Variants in HPSE observed in about 807,000 individuals in gnomAD.
HPSE encodes endo-glucoronidase.
Under a neutral mutation model 65.1 loss-of-function variants are expected in HPSE, and 48 were observed. That is an observed-to-expected ratio of 0.74 (90% CI 0.58 to 0.94). HPSE has a LOEUF of 0.94. Among genes scored for constraint, HPSE ranks in the 40% least tolerant of loss-of-function variants. The pLI, the probability that HPSE is intolerant of heterozygous loss-of-function variation, is 0.00. For missense variants in HPSE, 644 were observed against 637.5 expected (o/e 1.01, Z -0.11); for synonymous variants, 243 against 260.0 (o/e 0.93, Z 0.63).
intron 1 of HPSE, among the ~76,000 whole-genome samples, chr4:83,333,844 T>A (rs76798785): frequency 7.1e-6 from 1 of 141,332 alleles, no homozygotes. Flanking sequence ...TTCATCTGCC[T>A]AAAAAAAAAA....
chr4:83,299,437 G>A (rs1735856781), intron 11 of HPSE, among the ~76,000 whole-genome samples: 1 of 150,820 alleles, frequency 6.6e-6, no homozygotes, highest in African/African-American at 2.4e-5. Context: ...AGGCTCTTGG[G>A]AAGACTTCTG....
intron 1 of HPSE, among the ~76,000 whole-genome samples, chr4:83,330,806 G>T (rs1410612828): frequency 1.3e-5 from 2 of 151,982 alleles, no homozygotes; most frequent in Admixed American, 1.3e-4. Flanking sequence ...TTTTTTTACC[G>T]TGCATTAGTG....
At chr4:83,311,332 A>G (rs1407668731) in intron 4 of HPSE, among the ~76,000 whole-genome samples, 1 of 151,978 alleles carries the variant, frequency 6.6e-6, no homozygotes, top group African/African-American at 2.4e-5. Flanking sequence ...AGTAAAGTAA[A>G]ACTCAAAGTT....
At chr4:83,321,603 C>T (rs1012762211) in intron 2 of HPSE, among the ~76,000 whole-genome samples, 9 of 152,090 alleles carry the variant, frequency 5.9e-5, no homozygotes, top group East Asian at 1.9e-4. Flanking sequence ...TGAGTCACTG[C>T]GCCCATCCTA....
intron 1 of HPSE, 122 bp from the exon 2 acceptor site, chr4:83,322,486 G>A: frequency 1.3e-6 from 1 of 776,208 alleles, no homozygotes; most frequent in Non-Finnish European, 1.9e-6. Context: ...GGACTTAGAG[G>A]AGGAAATCAC....
chr4:83,300,609 TCGA>T, intron 11 of HPSE, among the ~76,000 whole-genome samples: 1 of 23,626 alleles, frequency 4.2e-5, no homozygotes. Flanking sequence ...GGTCAGGAGA[TCGA>T]GACCCATCCG....
At chr4:83,319,270 G>T in intron 3 of HPSE, 74 bp downstream of exon 3, 2 of 1,463,024 alleles carry the variant, frequency 1.4e-6, no homozygotes, top group South Asian at 1.2e-5. Flanking sequence ...GGACTTGCTA[G>T]ATTGGTGCCC....
rs771020276 is a variant in HPSE at position 83,322,220 on chromosome 4, C to T, written c.372G>A (p.Gln124=). The change falls in exon 2 of 12, where the codon CAG becomes CAA. Residue 124 remains glutamine (Q), a splice_region_variant and synonymous_variant. Transcript: ENST00000311412. ...ERSYWQSQVN[Q]DICKYGSIPP... The stretch of plus-strand genomic sequence containing the variant: ...GAGTGAATCTTTAAAAATTTTCACC[C>T]TGGTTGACTTGAGATTGCCAGTAAC... 1.2e-5 allele frequency: 19 copies of T among 1,612,006 alleles called. No individual in the cohort carries two copies. In the Admixed American group the frequency reaches 2.7e-4, roughly 23 times the overall value.
rs188488267 is a variant in HPSE at position 83,302,924 on chromosome 4, G to A, written c.1207-656C>T. On this transcript the variant is annotated intron_variant, in intron 9 of 11. Coordinates refer to ENST00000311412, the MANE Select transcript of HPSE (RefSeq NM_001098540.3). ...CAGGAGGTCAAGGCTGCAGTGAGCC[G>A]TGATTGTGCCACTGCACTCCAGCCT... 6.6e-5 allele frequency among the ~76,000 whole-genome samples: 10 copies of A among 152,232 alleles called. No individual in the cohort carries two copies. In the East Asian group the frequency reaches 1.4e-3, roughly 21 times the overall value.
intron 1 of HPSE, among the ~76,000 whole-genome samples, chr4:83,329,902 C>T (rs760817949): frequency 6.6e-6 from 1 of 151,966 alleles, no homozygotes; most frequent in Non-Finnish European, 1.5e-5. Context: ...TAAGCAGGAG[C>T]ACTGGATGAG....
upstream of HPSE, chr4:83,335,039 T>C (rs1737564082): frequency 3.8e-6 from 2 of 522,162 alleles, no homozygotes; most frequent in Non-Finnish European, 6.5e-6. Flanking sequence ...GGCGGTCACG[T>C]TCACTTACGA....
At chr4:83,329,051 T>C (rs1170555728) in intron 1 of HPSE, among the ~76,000 whole-genome samples, 1 of 151,742 alleles carries the variant, frequency 6.6e-6, no homozygotes, top group East Asian at 1.9e-4. Flanking sequence ...GAAGGTGGAG[T>C]CAGAGATTTT....
chr4:83,307,099 C>T (rs567444079), intron 8 of HPSE, among the ~76,000 whole-genome samples: 5 of 152,290 alleles, frequency 3.3e-5, no homozygotes, highest in African/African-American at 9.6e-5. Context: ...AAGCCCCTAC[C>T]GGCCAAATTA....
At chr4:83,296,424 A>G (rs959052516) in intron 11 of HPSE, among the ~76,000 whole-genome samples, 1 of 152,232 alleles carries the variant, frequency 6.6e-6, no homozygotes, top group Non-Finnish European at 1.5e-5. Context: ...CTGTAATCCC[A>G]GCACTTTGGG....
chr4:83,308,737 A>C, intron 8 of HPSE, 108 bp downstream of exon 8: 1 of 803,760 alleles, frequency 1.2e-6, no homozygotes, highest in South Asian at 1.6e-5. Context: ...GGGCTCAGCC[A>C]CTGAAATGGT....
chr4:83,334,660 C>T lies in HPSE; in HGVS notation c.123G>A (p.Leu41=). 1.3e-6 allele frequency: 2 copies of T among 1,580,918 alleles called. No homozygotes were observed. The highest frequency in any genetic ancestry group is 1.7e-6 in the Non-Finnish European group (2 of 1,163,394). The change falls in exon 1 of 12, where the codon CTG becomes CTA. Residue 41 remains leucine (L), a synonymous_variant. Coordinates refer to ENST00000311412, the MANE Select transcript of HPSE (RefSeq NM_001098540.3). ...RPAQAQDVVD[L]DFFTQEPLHL... ...GCAGCGGCTCCTGGGTGAAGAAGTCCAGGTCCACGACGTCCTGTGCTTGCG... is the reference window on the plus strand; with the variant it reads ...GCAGCGGCTCCTGGGTGAAGAAGTCTAGGTCCACGACGTCCTGTGCTTGCG...
chr4:83,308,745 G>A (rs1376782091), intron 8 of HPSE, 100 bp downstream of exon 8: 11 of 885,118 alleles, frequency 1.2e-5, no homozygotes, highest in African/African-American at 3.4e-5. Context: ...CCACTGAAAT[G>A]GTCTTTGATC....
At chr4:83,320,970 C>T (rs1305332639) in intron 2 of HPSE, among the ~76,000 whole-genome samples, 1 of 152,178 alleles carries the variant, frequency 6.6e-6, no homozygotes, top group Non-Finnish European at 1.5e-5. Flanking sequence ...GACGCCAAGG[C>T]AGGGGGATCA....
rs1737553107 is a variant in HPSE, at chr4:83,334,784, T to C, written c.-2A>G. On this transcript the variant is annotated 5_prime_UTR_variant, in exon 1 of 12. Coordinates refer to ENST00000311412, the MANE Select transcript of HPSE (RefSeq NM_001098540.3). ...CGCAGGCTTCGAGCGCAGCAGCATCTTGGGCTCACCTGGCTGCTCCCCCCG... is the reference window on the plus strand; with the variant it reads ...CGCAGGCTTCGAGCGCAGCAGCATCCTGGGCTCACCTGGCTGCTCCCCCCG... 2.6e-6 allele frequency: 4 copies of C among 1,533,422 alleles called. No homozygotes were observed. The highest frequency in any genetic ancestry group is 3.5e-6 in the Non-Finnish European group (4 of 1,138,352). The allele number at this position is 1,533,422 out of a possible 1,614,324, so 95.0% of individuals were successfully genotyped here.
Sources: allele counts gnomAD v4.1 joint callset (sites outside exome capture counted in the v4.1 genomes callset), GRCh38; gene constraint gnomAD v4.1.1; transcripts MANE v1.5; gene names NCBI Gene and HGNC (gene_info 2026-07-23, HGNC 2026-07-21).